KIF20B: variants seen among roughly 807,000 people sequenced by gnomAD.
KIF20B encodes kinesin family member 20B.
A neutral mutation model predicts 232.5 loss-of-function variants in KIF20B; 188 were observed. The observed-to-expected ratio is 0.81, with a 90% confidence interval of 0.72 to 0.91. The LOEUF (loss-of-function observed/expected upper bound fraction) is 0.91, where lower values mean the gene tolerates loss of function less well. Ranked by LOEUF, KIF20B falls within the 40% of genes least tolerant of loss-of-function variation. The probability of loss-of-function intolerance (pLI) is 0.00; values close to 1 mark genes in which losing one functional copy is unlikely to be tolerated. For missense variants in KIF20B, 2,154 were observed against 2,055.9 expected (o/e 1.05, Z -0.92); for synonymous variants, 712 against 683.0 (o/e 1.04, Z -0.66).
At chr10:89,766,146 A>G (rs10881662) in intron 29 of KIF20B, 47,399 of 151,994 alleles carry the variant, frequency 0.31, 8,369 homozygotes, top group African/African-American at 0.47. Context: ...CACCAATCAG[A>G]CATAGATTTG....
intron 1 of KIF20B, 47 bp from the exon 2 acceptor site, chr10:89,705,247 A>G: frequency 6.4e-7 from 1 of 1,572,672 alleles, no homozygotes; most frequent in Non-Finnish European, 8.7e-7. Context: ...GGTGGCTTAC[A>G]TGCTGACTTA....
intron 30 of KIF20B, 116 bp from the exon 31 acceptor site, chr10:89,768,622 A>G: frequency 9.7e-7 from 1 of 1,025,744 alleles, no homozygotes; most frequent in Admixed American, 3.0e-5. Context: ...ACATACTTAA[A>G]GTTTCCTACC....
Position 89,743,814 on chromosome 10 carries a change from G to A in KIF20B, c.3922G>A (p.Val1308Ile). The change falls in exon 22 of 33, where the codon GTA (valine) becomes ATA (isoleucine). Residue 1308 changes from valine to isoleucine, a missense_variant. Transcript: ENST00000371728. ...TATAAACATTATTTTGTAGGTATCTGTAATGCGTGATGAGGATAAATTACT... is the reference window on the plus strand; with the variant it reads ...TATAAACATTATTTTGTAGGTATCTATAATGCGTGATGAGGATAAATTACT... ...QIKQVQKEVS[V>I]MRDEDKLLRI... is the part of the protein sequence containing the mutation. 1 of 1,471,576 alleles carries A rather than the reference G, an allele frequency of 6.8e-7. No homozygotes were observed. The highest frequency in any genetic ancestry group is 9.2e-7 in the Non-Finnish European group (1 of 1,083,422). The allele number at this position is 1,471,576 out of a possible 1,614,324, so 91.2% of individuals were successfully genotyped here.
At chr10:89,768,429 C>G in intron 30 of KIF20B, 38 bp downstream of exon 30, 2 of 1,181,638 alleles carry the variant, frequency 1.7e-6, no homozygotes, top group Non-Finnish European at 2.5e-6. Flanking sequence ...TAGCAATTAT[C>G]CAGAAATCCA....
intron 8 of KIF20B, among the ~76,000 whole-genome samples, chr10:89,716,210 C>G (rs1227673419): frequency 6.6e-6 from 1 of 152,042 alleles, no homozygotes; most frequent in Non-Finnish European, 1.5e-5. Flanking sequence ...TTGGCAGACT[C>G]TGTTGACAAA....
At position 89,715,183 on chromosome 10, in the gene KIF20B, G is replaced by T; in HGVS notation, c.940+1G>T. ...GTAAAGGGCTATTCTTTTATAAAAG[G>T]TATACTAATGAATATTTTTATCTTA... On this transcript the variant is annotated splice_donor_variant, in intron 8 of 32. Transcript: ENST00000371728. LOFTEE classifies it high-confidence loss of function. The T allele has an allele frequency of 6.5e-7, 1 of 1,542,198 alleles. No homozygotes were observed. Among genetic ancestry groups the T allele is most frequent in the Non-Finnish European group, 8.9e-7 (1 of 1,126,032 alleles).
Position 89,718,743 on chromosome 10 carries a change from A to G in KIF20B, c.1305A>G (p.Lys435=). ...FQQHVPFRES[K]LTHYFQSFFN... ...AGCATGTGCCTTTCCGGGAAAGTAAACTGACTCACTATTTTCAAAGTTTTT... is the reference window on the plus strand; with the variant it reads ...AGCATGTGCCTTTCCGGGAAAGTAAGCTGACTCACTATTTTCAAAGTTTTT... The change falls in exon 12 of 33, where the codon AAA becomes AAG. Residue 435 remains lysine, a synonymous_variant. Coordinates refer to ENST00000371728, the MANE Select transcript of KIF20B (RefSeq NM_001284259.2). The G allele has an allele frequency of 6.2e-7, 1 of 1,609,732 alleles. No homozygotes were observed. Among genetic ancestry groups the G allele is most frequent in the African/African-American group, 1.3e-5 (1 of 74,716 alleles).
intron 23 of KIF20B, among the ~76,000 whole-genome samples, chr10:89,749,770 C>T (rs182977659): frequency 7.9e-5 from 12 of 152,174 alleles, no homozygotes; most frequent in South Asian, 2.1e-4. Flanking sequence ...AATAATATTC[C>T]GCATTTTATG....
rs1290566395 is a variant in KIF20B, at chr10:89,754,079, T to C, written c.4348-439T>C. Among the ~76,000 whole-genome samples the C allele has an allele frequency of 1.3e-5, 2 of 151,514 alleles. 1 individual carries two copies. The highest frequency in any genetic ancestry group is 2.9e-5 in the Non-Finnish European group (2 of 67,918). On this transcript the variant is annotated intron_variant, in intron 25 of 32. Transcript: ENST00000371728. ...CTGTCCAGCTCTTCTGGATGTTCTT[T>C]TAATAAATATCCTGTTGCACAAGTT...
intron 2 of KIF20B, among the ~76,000 whole-genome samples, chr10:89,705,857 G>C (rs1842712109): frequency 6.6e-6 from 1 of 152,178 alleles, no homozygotes; most frequent in South Asian, 2.1e-4. Context: ...TCATACATCA[G>C]TAGTTTTTCC....
chr10:89,725,257 TA>T (rs1174449232), intron 15 of KIF20B, 99 bp downstream of exon 15: 8 of 1,067,248 alleles, frequency 7.5e-6, no homozygotes, highest in Non-Finnish European at 1.1e-5. Context: ...AGTTTAGAAT[TA>T]AAACAATGCT....
At chr10:89,760,503 G>A in intron 27 of KIF20B, 23 bp from the exon 28 acceptor site, 1 of 1,417,290 alleles carries the variant, frequency 7.1e-7, no homozygotes, top group East Asian at 2.3e-5. Context: ...ATGCCCTGTT[G>A]CTTTAATATT....
chr10:89,747,264 G>A lies in KIF20B; in HGVS notation c.4096+1305G>A, dbSNP rs1403361007. ...GGTGCTGGAGAGGATGTGGAGAAAT[G>A]GGAACACTTTTACACTGTTGGTGGG... is the stretch of plus-strand genomic sequence containing the variant. On this transcript the variant is annotated intron_variant, in intron 23 of 32. Transcript: ENST00000371728. 1.2e-4 allele frequency among the ~76,000 whole-genome samples: 18 copies of A among 152,024 alleles called. No homozygotes were observed. The East Asian group carries it at 2.9e-3, about 25-fold the overall frequency.
chr10:89,739,550 A>C (rs1436725759), intron 21 of KIF20B, among the ~76,000 whole-genome samples: 2 of 75,604 alleles, frequency 2.6e-5, no homozygotes. Context: ...CCTTCACAGC[A>C]TCAAATGTTA....
At chr10:89,736,076 G>A (rs1053297389) in intron 19 of KIF20B, among the ~76,000 whole-genome samples, 25 of 152,270 alleles carry the variant, frequency 1.6e-4, no homozygotes. Flanking sequence ...TTGTATTAGA[G>A]CAAAGTCGTG....
In KIF20B at chr10:89,716,489, C is replaced by T; in HGVS notation, c.994C>T (p.Leu332=). The T allele has an allele frequency of 1.9e-6, 3 of 1,593,290 alleles. No individual in the cohort carries two copies. Among genetic ancestry groups the T allele is most frequent in the Non-Finnish European group, 2.6e-6 (3 of 1,168,242 alleles). The stretch of plus-strand genomic sequence containing the variant: ...CAAAGAAGCCTATAGACTTTTAAAA[C>T]TAGGAATAAAGCACCAGAGTGTTGC... The part of the protein sequence containing the change: ...DSKEAYRLLK[L]GIKHQSVAFT... The change falls in exon 9 of 33, where the codon CTA becomes TTA. Residue 332 remains leucine, a synonymous_variant. Coordinates refer to ENST00000371728, the MANE Select transcript of KIF20B (RefSeq NM_001284259.2).
Position 89,726,223 on chromosome 10 carries a change from T to TTTTTAAAAACTGTC in KIF20B, c.2002-69_2002-68insTTTAAAAACTGTCT, listed in dbSNP as rs1843183786. 3 of 1,374,636 alleles carry TTTTTAAAAACTGTC rather than the reference T, an allele frequency of 2.2e-6. No homozygotes were observed. In the East Asian group the frequency reaches 8.0e-5, roughly 37 times the overall value. The allele number at this position is 1,374,636 out of a possible 1,614,324, so 85.2% of individuals were successfully genotyped here. On this transcript the variant is annotated intron_variant, in intron 15 of 32. Coordinates refer to ENST00000371728, the MANE Select transcript of KIF20B (RefSeq NM_001284259.2). ...TTTGCTTTTTTAAAAACTGTCTAAA[T>TTTTTAAAAACTGTC]TAGATGGTACCACATGTAAAGGGTG... is the stretch of plus-strand genomic sequence containing the variant.
At position 89,726,773 on chromosome 10, in the gene KIF20B, G is replaced by A. The variant is rs116327740; in HGVS notation, c.2230+252G>A. ...TTCTCAACAAAAAAAGTCAAAACAA[G>A]TGTTAACTTTATGAGTAAAGCTGTA... On this transcript the variant is annotated intron_variant, in intron 16 of 32. Transcript: ENST00000371728. Among the ~76,000 whole-genome samples the A allele has an allele frequency of 3.0e-3, 461 of 152,190 alleles. 3 individuals carry two copies. Among genetic ancestry groups the A allele is most frequent in the African/African-American group, 0.01 (432 of 41,546 alleles).
At chr10:89,755,273 G>T (rs534362883) in intron 26 of KIF20B, among the ~76,000 whole-genome samples, 1 of 152,136 alleles carries the variant, frequency 6.6e-6, no homozygotes, top group African/African-American at 2.4e-5. Context: ...TAGTAACTTC[G>T]CAGTATCATA....
Sources: gnomAD v4.1 joint callset for allele counts (sites outside exome capture counted in the v4.1 genomes callset) on GRCh38, gnomAD v4.1.1 for gene constraint, MANE v1.5 for transcripts, NCBI Gene and HGNC (gene_info 2026-07-23, HGNC 2026-07-21) for gene names.